Variants in C10orf90 observed in about 807,000 individuals in gnomAD.
The protein encoded by C10orf90 is (E2-independent) E3 ubiquitin-conjugating enzyme FATS.
A neutral mutation model predicts 62.5 loss-of-function variants in C10orf90; 56 were observed. The ratio of observed to expected loss-of-function variants is 0.90; its 90% CI spans 0.72 to 1.12. The LOEUF is 1.12. Among genes scored for constraint, C10orf90 ranks in the 50% most tolerant of loss-of-function variants. The pLI is 0.00. For missense variants in C10orf90, 970 were observed against 880.4 expected, an observed-to-expected ratio of 1.10 and a Z score of -1.29; for synonymous variants, 386 against 340.4, an observed-to-expected ratio of 1.13 and a Z score of -1.47.
At chr10:126,485,029 C>T (rs1167482132) in intron 4 of C10orf90, among the ~76,000 whole-genome samples, 1 of 152,162 alleles carries the variant, frequency 6.6e-6, no homozygotes, top group Non-Finnish European at 1.5e-5. Flanking sequence ...GACTGAAGTT[C>T]ATGTTCGTAC....
intron 2 of C10orf90, among the ~76,000 whole-genome samples, chr10:126,565,010 T>TAAA (rs1485844999): frequency 6.9e-4 from 11 of 16,048 alleles, no homozygotes; most frequent in Admixed American, 1.5e-3. Context: ...ATATAATATA[T>TAAA]ATAATATATA....
chr10:126,437,298 C>T (rs1857985449), intron 7 of C10orf90, among the ~76,000 whole-genome samples: 1 of 152,212 alleles, frequency 6.6e-6, no homozygotes, highest in African/African-American at 2.4e-5. Context: ...ATCTGTGTGG[C>T]TTCCAGTTAC....
In C10orf90 at chr10:126,504,615, G is replaced by T. The variant is rs747509181; in HGVS notation, c.876C>A (p.Cys292Ter). ...CGGAGCTGTTTCTGGAGAACTCTGTGCAGGCAAAAGATCTCTGATGCCGAC... is the reference window on the plus strand; with the variant it reads ...CGGAGCTGTTTCTGGAGAACTCTGTTCAGGCAAAAGATCTCTGATGCCGAC... ...HPGRHQRSFA[C>*]TEFSRNSSVV... The change falls in exon 4 of 10, where the codon TGC becomes TGA. Residue 292 changes from cysteine to a stop codon, truncating the protein, a stop_gained. Coordinates refer to ENST00000488181, the MANE Select transcript of C10orf90 (RefSeq NM_001350921.2). LOFTEE classifies it high-confidence loss of function. The surrounding 1 kb of genome is among the most constrained non-coding windows in gnomAD (Gnocchi z 4.1). 6 of 1,614,132 alleles carry T rather than the reference G, an allele frequency of 3.7e-6. No homozygotes were observed. In the African/African-American group the frequency reaches 8.0e-5, roughly 22 times the overall value.
At chr10:126,656,354 A>G (rs984166426) in intron 1 of C10orf90, among the ~76,000 whole-genome samples, 4 of 152,190 alleles carry the variant, frequency 2.6e-5, no homozygotes, top group African/African-American at 9.7e-5. Flanking sequence ...AGCTTACTCA[A>G]GCCTCAAAGC....
rs1168803860 is a variant in C10orf90 at position 126,442,497 on chromosome 10, A to ATATATATATATATATATATATG, written c.2189-12648_2189-12647insCATATATATATATATATATATA. On this transcript the variant is annotated intron_variant, in intron 7 of 9. Transcript: ENST00000488181. ...ATATTTCATATATATATATATATAT[A>ATATATATATATATATATATATG]TATATATATATCTGTTAAGTCCATT... Among the ~76,000 whole-genome samples, 282 of 110,420 alleles carry ATATATATATATATATATATATG rather than the reference A, an allele frequency of 2.6e-3. 21 individuals carry two copies. The highest frequency in any genetic ancestry group is 9.8e-3 in the African/African-American group (269 of 27,402). 72.4% of individuals were successfully genotyped at this position (110,420 alleles called of 152,430 possible).
chr10:126,489,360 A>C (rs1861598748), intron 4 of C10orf90, among the ~76,000 whole-genome samples: 1 of 152,290 alleles, frequency 6.6e-6, no homozygotes, highest in East Asian at 1.9e-4. Flanking sequence ...AATAGAAACA[A>C]CAACGATTAA....
chr10:126,628,267 G>A (rs112823115), intron 2 of C10orf90, among the ~76,000 whole-genome samples: 6 of 152,176 alleles, frequency 3.9e-5, no homozygotes, highest in Non-Finnish European at 4.4e-5. Flanking sequence ...ATTTGCTATA[G>A]TGAATTTAAA....
chr10:126,629,202 G>C (rs1845805646), intron 2 of C10orf90, among the ~76,000 whole-genome samples: 1 of 152,162 alleles, frequency 6.6e-6, no homozygotes, highest in Non-Finnish European at 1.5e-5. Flanking sequence ...TACCATCACT[G>C]ACCTCTTCCT....
chr10:126,471,671 C>A (rs1860592914), intron 4 of C10orf90, among the ~76,000 whole-genome samples: 1 of 152,110 alleles, frequency 6.6e-6, no homozygotes, highest in Admixed American at 6.5e-5. Flanking sequence ...TTCAAGGTAC[C>A]ATGTGGGCAA....
intron 4 of C10orf90, among the ~76,000 whole-genome samples, chr10:126,482,058 T>G (rs61098048): frequency 0.021 from 3,169 of 152,312 alleles, 125 homozygotes; most frequent in African/African-American, 0.073. Flanking sequence ...ACTTTTTTTG[T>G]CCAATCACAT....
chr10:126,625,932 T>C (rs1344426119), intron 2 of C10orf90, among the ~76,000 whole-genome samples: 1 of 151,924 alleles, frequency 6.6e-6, no homozygotes, highest in Non-Finnish European at 1.5e-5. Context: ...CTCGCCAACA[T>C]GGTGAAACCC....
At chr10:126,562,398 C>T (rs1864923549) in intron 2 of C10orf90, among the ~76,000 whole-genome samples, 1 of 152,210 alleles carries the variant, frequency 6.6e-6, no homozygotes, top group Non-Finnish European at 1.5e-5. Flanking sequence ...GACGAACCTG[C>T]TAACCACACA....
At chr10:126,552,134 G>A (rs561376223) in intron 2 of C10orf90, among the ~76,000 whole-genome samples, 1 of 152,130 alleles carries the variant, frequency 6.6e-6, no homozygotes, top group Non-Finnish European at 1.5e-5. Context: ...GAGCTTTAGG[G>A]TCATCAGTGT....
intron 2 of C10orf90, among the ~76,000 whole-genome samples, chr10:126,622,420 C>T (rs1410033263): frequency 6.6e-6 from 1 of 152,174 alleles, no homozygotes; most frequent in Non-Finnish European, 1.5e-5. Context: ...TACTCCATGA[C>T]ACTGGTTCTC....
At chr10:126,440,213 G>C (rs1374671912) in intron 7 of C10orf90, among the ~76,000 whole-genome samples, 1 of 152,180 alleles carries the variant, frequency 6.6e-6, no homozygotes, top group East Asian at 1.9e-4. Flanking sequence ...CTATTACGGA[G>C]TGCAACCAGC....
chr10:126,614,966 G>T (rs1030222496), intron 2 of C10orf90, among the ~76,000 whole-genome samples: 5 of 152,076 alleles, frequency 3.3e-5, no homozygotes, highest in African/African-American at 1.2e-4. Flanking sequence ...TCATCATTTT[G>T]TACGTTAGCT....
intron 2 of C10orf90, among the ~76,000 whole-genome samples, chr10:126,597,247 T>G (rs1411932262): frequency 6.6e-6 from 1 of 152,236 alleles, no homozygotes; most frequent in African/African-American, 2.4e-5. Flanking sequence ...CAAAAAGACT[T>G]GTATGAGAAT....
intron 4 of C10orf90, among the ~76,000 whole-genome samples, chr10:126,469,270 T>C (rs1860444496): frequency 6.6e-6 from 1 of 152,222 alleles, no homozygotes. Flanking sequence ...AAAGGCATTC[T>C]GGTATTGAAG....
intron 7 of C10orf90, among the ~76,000 whole-genome samples, chr10:126,448,035 T>A (rs1490196572): frequency 1.4e-5 from 2 of 141,296 alleles, no homozygotes; most frequent in African/African-American, 5.4e-5. Context: ...TTTTTTTTTT[T>A]TTTTTTTTGT....
Sources: gnomAD v4.1 joint callset for allele counts (sites outside exome capture counted in the v4.1 genomes callset) on GRCh38, gnomAD v4.1.1 for gene constraint, Gnocchi (gnomAD v3.1) non-coding constraint, MANE v1.5 for transcripts, NCBI Gene and HGNC (gene_info 2026-07-23, HGNC 2026-07-21) for gene names.